The following NFIB variants were observed in gnomAD, a reference collection of about 807,000 sequenced individuals.
NFIB encodes nuclear factor I B.
NFIB carries 11 observed loss-of-function variants against 61.5 expected under a neutral mutation model. That is an observed-to-expected ratio of 0.18 (90% CI 0.11 to 0.30). NFIB has a LOEUF of 0.30. Among genes scored for constraint, NFIB ranks in the 10% least tolerant of loss-of-function variants. The pLI, the probability that NFIB is intolerant of heterozygous loss-of-function variation, is 1.00. For synonymous variants in NFIB, 260 were observed against 216.5 expected (o/e 1.20, Z -1.76); for missense variants, 471 against 608.9 (o/e 0.77, Z 2.38).
At chr9:14,097,257 T>C (rs763937606) in intron 10 of NFIB, among the ~76,000 whole-genome samples, 6 of 152,296 alleles carry the variant, frequency 3.9e-5, no homozygotes, top group Non-Finnish European at 8.8e-5. Flanking sequence ...ATTCTCCACC[T>C]TGAACCAAAG....
chr9:14,530,880 C>A, the NFIB span, among the ~76,000 whole-genome samples: 6 of 144,244 alleles, frequency 4.2e-5, no homozygotes, highest in Admixed American at 2.8e-4. Flanking sequence ...GCAATCAAGA[C>A]AGAAAAGGAA....
intron 10 of NFIB, among the ~76,000 whole-genome samples, chr9:14,111,918 G>T (rs1463932464): frequency 6.6e-6 from 1 of 152,060 alleles, no homozygotes; most frequent in Non-Finnish European, 1.5e-5. Context: ...CTGCCCCCTT[G>T]GGCTGCAACT....
At chr9:14,245,552 T>C (rs7030457) in intron 2 of NFIB, among the ~76,000 whole-genome samples, 36,689 of 151,896 alleles carry the variant, frequency 0.24, 5,843 homozygotes, top group East Asian at 0.79. Context: ...AAACACATGA[T>C]TATACTATAA....
chr9:14,336,696 C>G (rs918878695), intron 1 of NFIB, among the ~76,000 whole-genome samples: 5 of 152,210 alleles, frequency 3.3e-5, no homozygotes, highest in African/African-American at 1.2e-4. Flanking sequence ...GCTTAGAAAG[C>G]TCCTGTGCTT....
the NFIB span, among the ~76,000 whole-genome samples, chr9:14,495,536 G>C: frequency 6.9e-6 from 1 of 145,462 alleles, no homozygotes. Flanking sequence ...CTGATTTCCT[G>C]AATTCTTCAC....
At chr9:14,222,140 C>G (rs533329920) in intron 2 of NFIB, among the ~76,000 whole-genome samples, 2 of 152,312 alleles carry the variant, frequency 1.3e-5, no homozygotes, top group South Asian at 4.1e-4. Context: ...CCCTTGTCAA[C>G]TGTTTCCAGT....
intron 4 of NFIB, among the ~76,000 whole-genome samples, chr9:14,152,398 T>A (rs1019274737): frequency 6.6e-6 from 1 of 152,100 alleles, no homozygotes; most frequent in African/African-American, 2.4e-5. Flanking sequence ...CCGCATGTTT[T>A]ATAATTTATT....
At chr9:14,216,269 A>G (rs753858303) in intron 2 of NFIB, among the ~76,000 whole-genome samples, 1 of 152,176 alleles carries the variant, frequency 6.6e-6, no homozygotes, top group Non-Finnish European at 1.5e-5. Flanking sequence ...GCAAAGAAAT[A>G]CAATTTGGCA....
chr9:14,309,883 G>A (rs1429171433), intron 1 of NFIB, among the ~76,000 whole-genome samples: 2 of 152,134 alleles, frequency 1.3e-5, no homozygotes, highest in African/African-American at 4.8e-5. Flanking sequence ...AATGTAAAGA[G>A]CACATGAGGT....
At chr9:14,424,981 C>A in the NFIB span, among the ~76,000 whole-genome samples, 4 of 152,084 alleles carry the variant, frequency 2.6e-5, no homozygotes, top group East Asian at 3.9e-4. Flanking sequence ...CCAATCTCCC[C>A]CCCTGGGCCT....
chr9:14,141,132 T>C (rs763062598), intron 6 of NFIB, among the ~76,000 whole-genome samples: 7 of 152,170 alleles, frequency 4.6e-5, no homozygotes, highest in Admixed American at 1.3e-4. Flanking sequence ...CAAACTGAAA[T>C]TTAGCACAAC....
intron 2 of NFIB, among the ~76,000 whole-genome samples, chr9:14,276,837 A>C (rs916092040): frequency 2.6e-5 from 4 of 152,058 alleles, no homozygotes; most frequent in Non-Finnish European, 4.4e-5. Flanking sequence ...AATATCTTCA[A>C]GTATTGTAAA....
the NFIB span, among the ~76,000 whole-genome samples, chr9:14,487,763 TTCTTGC>T: frequency 6.6e-6 from 1 of 152,238 alleles, no homozygotes; most frequent in African/African-American, 2.4e-5. Flanking sequence ...TAATCATTAG[TTCTTGC>T]AAACCTTCAG....
At chr9:14,113,430 T>A (rs1040332047) in intron 9 of NFIB, among the ~76,000 whole-genome samples, 1 of 152,180 alleles carries the variant, frequency 6.6e-6, no homozygotes, top group South Asian at 2.1e-4. Flanking sequence ...CAGATAGTAG[T>A]TGTCTAATAT....
At chr9:14,141,962 T>C (rs1873897) in intron 6 of NFIB, among the ~76,000 whole-genome samples, 2 of 151,174 alleles carry the variant, frequency 1.3e-5, no homozygotes, top group Admixed American at 6.6e-5. Context: ...CAAATATATT[T>C]AACATATCAT....
intron 9 of NFIB, among the ~76,000 whole-genome samples, chr9:14,115,734 T>C (rs534364767): frequency 4.6e-5 from 7 of 152,316 alleles, no homozygotes; most frequent in African/African-American, 9.6e-5. Flanking sequence ...AACAATGACA[T>C]AACCTACAAT....
chr9:14,407,840 C>T, the NFIB span, among the ~76,000 whole-genome samples: 9 of 152,110 alleles, frequency 5.9e-5, no homozygotes, highest in East Asian at 3.9e-4. Context: ...TGTGTACCAC[C>T]GTGCTCATCT....
chr9:14,272,140 C>T (rs141921767), intron 2 of NFIB, among the ~76,000 whole-genome samples: 2 of 152,152 alleles, frequency 1.3e-5, no homozygotes, highest in East Asian at 3.9e-4. Flanking sequence ...TATTAAAAGG[C>T]GCAAGTTTCC....
intron 1 of NFIB, among the ~76,000 whole-genome samples, chr9:14,381,658 AT>A (rs34327696): frequency 6.6e-6 from 1 of 152,162 alleles, no homozygotes; most frequent in Non-Finnish European, 1.5e-5. Context: ...GGAAGAAGAA[AT>A]TTTTTTACCT....
Sources: gnomAD v4.1 joint callset for allele counts (sites outside exome capture counted in the v4.1 genomes callset) on GRCh38, gnomAD v4.1.1 for gene constraint, MANE v1.5 for transcripts, NCBI Gene and HGNC (gene_info 2026-07-23, HGNC 2026-07-21) for gene names.